The following MICU1 variants were observed in gnomAD, a reference collection of about 807,000 sequenced individuals.
MICU1 encodes the protein mitochondrial calcium uptake 1.
A neutral mutation model predicts 56.8 loss-of-function variants in MICU1; 45 were observed. The observed-to-expected ratio is 0.79, with a 90% CI of 0.62 to 1.02. The LOEUF (loss-of-function observed/expected upper bound fraction) is 1.02. MICU1 is among the 50% of genes least tolerant of loss of function. MICU1 has a pLI of 0.00. For synonymous variants in MICU1, 186 were observed against 195.1 expected (o/e 0.95, Z 0.39); for missense variants, 504 against 587.1 (o/e 0.86, Z 1.46).
intron 5 of MICU1, among the ~76,000 whole-genome samples, chr10:72,527,241 G>T (rs1867990059): frequency 6.6e-6 from 1 of 152,054 alleles, no homozygotes; most frequent in Non-Finnish European, 1.5e-5. Flanking sequence ...TTAATAAAAG[G>T]TCATACAGAC....
At chr10:72,524,374 A>G (rs1867908024) in intron 5 of MICU1, among the ~76,000 whole-genome samples, 1 of 152,212 alleles carries the variant, frequency 6.6e-6, no homozygotes. Context: ...AAGTGCTGGG[A>G]TTACAAGCAT....
At chr10:72,456,751 C>T (rs1344399302) in intron 8 of MICU1, among the ~76,000 whole-genome samples, 2 of 151,956 alleles carry the variant, frequency 1.3e-5, no homozygotes, top group Non-Finnish European at 2.9e-5. Context: ...TGCAGTGGCA[C>T]AATCCCAACT....
intron 8 of MICU1, among the ~76,000 whole-genome samples, chr10:72,438,719 T>C (rs1864819812): frequency 6.6e-6 from 1 of 151,686 alleles, no homozygotes; most frequent in Non-Finnish European, 1.5e-5. Flanking sequence ...AAAGGGGAGA[T>C]CACCACCAAT....
chr10:72,562,147 CTT>C (rs533702573), intron 3 of MICU1, among the ~76,000 whole-genome samples: 14 of 82,648 alleles, frequency 1.7e-4, no homozygotes, highest in Admixed American at 5.2e-4. Context: ...TACATAAAAT[CTT>C]TTTTTTTTTT....
At chr10:72,506,267 C>T (rs1867248981) in intron 6 of MICU1, among the ~76,000 whole-genome samples, 1 of 152,168 alleles carries the variant, frequency 6.6e-6, no homozygotes, top group South Asian at 2.1e-4. Flanking sequence ...GTACCAGGTA[C>T]TCTGAAGGTT....
chr10:72,588,543 G>A (rs1342485535), intron 1 of MICU1, among the ~76,000 whole-genome samples: 1 of 152,138 alleles, frequency 6.6e-6, no homozygotes, highest in African/African-American at 2.4e-5. Flanking sequence ...GTTCAACATA[G>A]TATAATAGGA....
chr10:72,593,747 G>T (rs1214569029), intron 1 of MICU1, among the ~76,000 whole-genome samples: 1 of 151,926 alleles, frequency 6.6e-6, no homozygotes, highest in African/African-American at 2.4e-5. Flanking sequence ...AATTGGAAAA[G>T]GAAATTACAA....
intron 10 of MICU1, among the ~76,000 whole-genome samples, chr10:72,397,538 A>T (rs1387856359): frequency 6.6e-6 from 1 of 152,248 alleles, no homozygotes; most frequent in Non-Finnish European, 1.5e-5. Flanking sequence ...TAGGAGACCC[A>T]TCTCATGTGC....
At chr10:72,566,850 G>T in intron 1 of MICU1, 56 bp from the exon 2 acceptor site, 1 of 1,438,872 alleles carries the variant, frequency 6.9e-7, no homozygotes, top group Non-Finnish European at 9.5e-7. Context: ...TGATGATGAT[G>T]ATGATGATCC....
intron 1 of MICU1, among the ~76,000 whole-genome samples, chr10:72,603,219 T>C (rs576919442): frequency 6.7e-6 from 1 of 150,196 alleles, no homozygotes; most frequent in South Asian, 2.1e-4. Flanking sequence ...AAACCCCATC[T>C]CTACTGAAAA....
intron 10 of MICU1, among the ~76,000 whole-genome samples, chr10:72,395,206 G>A (rs778707994): frequency 4.6e-5 from 7 of 151,832 alleles, no homozygotes; most frequent in Non-Finnish European, 8.8e-5. Context: ...CAGTAGAGAC[G>A]GGGTTTCACC....
At chr10:72,524,361 T>A (rs540017404) in intron 5 of MICU1, among the ~76,000 whole-genome samples, 3 of 152,240 alleles carry the variant, frequency 2.0e-5, no homozygotes, top group Admixed American at 6.6e-5. Context: ...CCTCTGCCTC[T>A]CAAAGTGCTG....
intron 5 of MICU1, 27 bp downstream of exon 5, chr10:72,533,719 T>G (rs555681283): frequency 6.5e-7 from 1 of 1,527,628 alleles, no homozygotes; most frequent in East Asian, 2.3e-5. Context: ...ATAGGATATA[T>G]GTATAGAAGT....
At chr10:72,477,921 T>C (rs908244751) in intron 6 of MICU1, among the ~76,000 whole-genome samples, 5 of 148,674 alleles carry the variant, frequency 3.4e-5, no homozygotes, top group African/African-American at 1.2e-4. Context: ...CAAGCTGGAG[T>C]GCAGTAGTGC....
intron 6 of MICU1, among the ~76,000 whole-genome samples, chr10:72,499,228 A>G (rs1019720386): frequency 5.3e-5 from 8 of 152,146 alleles, no homozygotes; most frequent in African/African-American, 1.9e-4. Context: ...AATTATTCCC[A>G]AAGGATAAAT....
intron 8 of MICU1, among the ~76,000 whole-genome samples, chr10:72,460,357 C>G (rs1190272418): frequency 6.6e-6 from 1 of 152,132 alleles, no homozygotes; most frequent in African/African-American, 2.4e-5. Flanking sequence ...CTCTCTCTCC[C>G]ACTCTCTCAT....
chr10:72,569,237 A>ATATATATATATATTTTTTTTTTT, intron 1 of MICU1, among the ~76,000 whole-genome samples: 1 of 34,392 alleles, frequency 2.9e-5, no homozygotes, highest in Non-Finnish European at 5.1e-5. Flanking sequence ...ATATATATAT[A>ATATATATATATATTTTTTTTTTT]TTTTTTTTTT....
At chr10:72,514,386 T>C (rs1458853276) in intron 5 of MICU1, among the ~76,000 whole-genome samples, 1 of 152,160 alleles carries the variant, frequency 6.6e-6, no homozygotes, top group African/African-American at 2.4e-5. Flanking sequence ...ATTGTTTCTA[T>C]GTATGCATAA....
chr10:72,610,916 G>A (rs1202636156), intron 1 of MICU1, among the ~76,000 whole-genome samples: 1 of 152,046 alleles, frequency 6.6e-6, no homozygotes. Context: ...AGGAAAAACT[G>A]TAATAAATAT....
Sources: gnomAD v4.1 joint callset for allele counts (sites outside exome capture counted in the v4.1 genomes callset) on GRCh38, gnomAD v4.1.1 for gene constraint, MANE v1.5 for transcripts, NCBI Gene and HGNC (gene_info 2026-07-23, HGNC 2026-07-21) for gene names.